GPD2: variants seen among roughly 807,000 people sequenced by gnomAD.
GPD2 encodes the protein glycerol-3-phosphate dehydrogenase 2.
A neutral mutation model predicts 82.4 loss-of-function variants in GPD2; 54 were observed. That is an observed-to-expected ratio of 0.66 (90% confidence interval 0.53 to 0.82). The LOEUF (loss-of-function observed/expected upper bound fraction) is 0.82. GPD2 is among the 40% of genes least tolerant of loss of function. The pLI is 0.00. For synonymous variants in GPD2, 288 were observed against 306.1 expected, an observed-to-expected ratio of 0.94 and a Z score of 0.62; for missense variants, 748 against 896.2, an observed-to-expected ratio of 0.83 and a Z score of 2.11.
chr2:156,495,272 G>C (rs1684327367), intron 2 of GPD2, among the ~76,000 whole-genome samples: 1 of 152,118 alleles, frequency 6.6e-6, no homozygotes, highest in South Asian at 2.1e-4. Flanking sequence ...TCACCTGAAC[G>C]TGGGGAGGAT....
chr2:156,495,213 G>A (rs1286661660), intron 2 of GPD2, among the ~76,000 whole-genome samples: 1 of 152,086 alleles, frequency 6.6e-6, no homozygotes, highest in Non-Finnish European at 1.5e-5. Context: ...GCCAGGCTTG[G>A]TGGCGCACAC....
intron 6 of GPD2, among the ~76,000 whole-genome samples, chr2:156,533,042 C>T (rs1453563211): frequency 3.9e-5 from 6 of 152,180 alleles, no homozygotes; most frequent in Admixed American, 2.0e-4. Flanking sequence ...TCCAGACTTT[C>T]AAATTGTTCC....
intron 1 of GPD2, among the ~76,000 whole-genome samples, chr2:156,466,777 T>C (rs1448104798): frequency 1.3e-5 from 2 of 152,226 alleles, no homozygotes; most frequent in African/African-American, 4.8e-5. Context: ...AAACAGAGAC[T>C]TTTAACTGGC....
At chr2:156,476,042 G>GATAA in intron 1 of GPD2, 56 bp from the exon 2 acceptor site, 1 of 850,994 alleles carries the variant, frequency 1.2e-6, no homozygotes, top group Non-Finnish European at 2.1e-6. Flanking sequence ...TTATTGGGAT[G>GATAA]GTTATGCGAT....
chr2:156,410,042 T>C, the GPD2 span, among the ~76,000 whole-genome samples: 1 of 152,226 alleles, frequency 6.6e-6, no homozygotes, highest in East Asian at 1.9e-4. Flanking sequence ...CAATATCCCA[T>C]CTCAAAAAGA....
At chr2:156,503,125 T>A (rs139375009) in intron 3 of GPD2, among the ~76,000 whole-genome samples, 1,999 of 152,274 alleles carry the variant, frequency 0.013, 12 homozygotes, top group African/African-American at 0.02. Flanking sequence ...GTGCCAAGGC[T>A]GTGTCTGTCT....
chr2:156,480,260 C>T (rs1326601286), intron 2 of GPD2, among the ~76,000 whole-genome samples: 1 of 152,028 alleles, frequency 6.6e-6, no homozygotes, highest in Non-Finnish European at 1.5e-5. Flanking sequence ...TGAGCAACAG[C>T]AGTAGAGAGC....
At chr2:156,439,284 A>G (rs1462249969) in intron 1 of GPD2, among the ~76,000 whole-genome samples, 3 of 152,000 alleles carry the variant, frequency 2.0e-5, no homozygotes, top group African/African-American at 7.3e-5. Context: ...TTGCTTAAAA[A>G]TGTGTCAGAT....
At chr2:156,552,784 G>A (rs1050394643) in intron 8 of GPD2, among the ~76,000 whole-genome samples, 7 of 152,016 alleles carry the variant, frequency 4.6e-5, no homozygotes, top group South Asian at 2.1e-4. Flanking sequence ...GAGATTGTTC[G>A]CAGAATTAAA....
At chr2:156,485,215 T>TATC (rs1157437493) in intron 2 of GPD2, among the ~76,000 whole-genome samples, 2 of 152,218 alleles carry the variant, frequency 1.3e-5, no homozygotes, top group Non-Finnish European at 1.5e-5. Context: ...CTGCATAGGA[T>TATC]ATCTAACACT....
the GPD2 span, among the ~76,000 whole-genome samples, chr2:156,419,155 GT>G: frequency 6.7e-6 from 1 of 148,648 alleles, no homozygotes; most frequent in South Asian, 2.1e-4. Context: ...TGCCTCCCGG[GT>G]TCAAGAGATT....
intron 3 of GPD2, among the ~76,000 whole-genome samples, chr2:156,499,710 A>G (rs1380141919): frequency 6.6e-6 from 1 of 151,904 alleles, no homozygotes; most frequent in Admixed American, 6.6e-5. Flanking sequence ...ATGATTTTTA[A>G]TGGGAAAATT....
chr2:156,512,986 G>A (rs1685058642), intron 5 of GPD2, among the ~76,000 whole-genome samples: 1 of 152,004 alleles, frequency 6.6e-6, no homozygotes, highest in African/African-American at 2.4e-5. Context: ...TTAATCCTGG[G>A]TGTACATTGT....
chr2:156,485,223 A>G (rs1390874291), intron 2 of GPD2, among the ~76,000 whole-genome samples: 1 of 152,204 alleles, frequency 6.6e-6, no homozygotes, highest in Admixed American at 6.5e-5. Flanking sequence ...GATATCTAAC[A>G]CTGTAGTTCC....
At chr2:156,490,395 A>AC (rs1473863907) in intron 2 of GPD2, among the ~76,000 whole-genome samples, 1 of 151,842 alleles carries the variant, frequency 6.6e-6, no homozygotes, top group Non-Finnish European at 1.5e-5. Flanking sequence ...TGGAAAAAAA[A>AC]AAAAAACAAA....
chr2:156,416,212 G>A, the GPD2 span, among the ~76,000 whole-genome samples: 1 of 151,750 alleles, frequency 6.6e-6, no homozygotes, highest in Non-Finnish European at 1.5e-5. Flanking sequence ...CTCATTGGTT[G>A]ACAGGCATTT....
At chr2:156,407,055 T>C in the GPD2 span, among the ~76,000 whole-genome samples, 1 of 151,948 alleles carries the variant, frequency 6.6e-6, no homozygotes, top group Non-Finnish European at 1.5e-5. Context: ...TACTAAAAAA[T>C]ACAAAAATTA....
At chr2:156,402,527 TG>T in the GPD2 span, among the ~76,000 whole-genome samples, 1 of 152,144 alleles carries the variant, frequency 6.6e-6, no homozygotes, top group African/African-American at 2.4e-5. Flanking sequence ...GGGGGAGAAA[TG>T]GGGTTTTAAA....
At chr2:156,540,526 C>T (rs1686267620) in intron 6 of GPD2, among the ~76,000 whole-genome samples, 1 of 152,122 alleles carries the variant, frequency 6.6e-6, no homozygotes, top group South Asian at 2.1e-4. Context: ...TGGAAACATA[C>T]CCATTTACTG....
Sources: gnomAD v4.1 joint callset for allele counts (sites outside exome capture counted in the v4.1 genomes callset) on GRCh38, gnomAD v4.1.1 for gene constraint, MANE v1.5 for transcripts, NCBI Gene and HGNC (gene_info 2026-07-23, HGNC 2026-07-21) for gene names.